JADE2: variants seen among roughly 807,000 people sequenced by gnomAD.
JADE2 encodes the protein E3 ubiquitin-protein ligase Jade-2.
Under a neutral mutation model 85.7 loss-of-function variants are expected in JADE2, and 13 were observed. That is an observed-to-expected ratio of 0.15 (90% CI 0.10 to 0.24). JADE2 has a LOEUF of 0.24. Among genes scored for constraint, JADE2 ranks in the 10% least tolerant of loss-of-function variants. JADE2 has a pLI of 1.00. For missense variants in JADE2, 846 were observed against 1,115.9 expected, an observed-to-expected ratio of 0.76 and a Z score of 3.45; for synonymous variants, 440 against 456.1, an observed-to-expected ratio of 0.96 and a Z score of 0.45.
chr5:134,555,793 T>G (rs1335675628), intron 4 of JADE2, among the ~76,000 whole-genome samples: 1 of 152,230 alleles, frequency 6.6e-6, no homozygotes, highest in African/African-American at 2.4e-5. Context: ...AGAATTGTGT[T>G]GGACCGAGTG....
chr5:134,565,004 T>C (rs557869770), intron 8 of JADE2, among the ~76,000 whole-genome samples: 1 of 152,338 alleles, frequency 6.6e-6, no homozygotes, highest in South Asian at 2.1e-4. Context: ...GGAAGGGCTG[T>C]ACCAGTCTGT....
chr5:134,536,944 T>C (rs1761628074), intron 2 of JADE2, among the ~76,000 whole-genome samples: 1 of 152,154 alleles, frequency 6.6e-6, no homozygotes, highest in Admixed American at 6.5e-5. Flanking sequence ...CAAGGAGGTC[T>C]CAGCCCCATC....
chr5:134,535,807 G>T, intron 1 of JADE2, 51 bp from the exon 2 acceptor site: 1 of 1,534,150 alleles, frequency 6.5e-7, no homozygotes, highest in South Asian at 1.1e-5. Context: ...CTGAGAGGTT[G>T]AGGATTTCCC....
intron 1 of JADE2, among the ~76,000 whole-genome samples, chr5:134,530,713 G>A (rs1313298182): frequency 6.6e-6 from 1 of 152,226 alleles, no homozygotes; most frequent in African/African-American, 2.4e-5. Context: ...CCAAATTGCT[G>A]CCCTATTACT....
chr5:134,571,959 C>T (rs1180849771), intron 9 of JADE2, among the ~76,000 whole-genome samples: 1 of 152,242 alleles, frequency 6.6e-6, no homozygotes, highest in African/African-American at 2.4e-5. Flanking sequence ...AAGTGTGGGT[C>T]GGAGCCACCT....
rs940852533 is a variant in JADE2, at chr5:134,581,191, G to T, written c.*1874G>T. ...TGTCTAGTCCGGGTGGACTCGGAGGGAGTGGGGTGGGCTTCAAGGATTCTG... is the reference window on the plus strand; with the variant it reads ...TGTCTAGTCCGGGTGGACTCGGAGGTAGTGGGGTGGGCTTCAAGGATTCTG... On this transcript the variant is annotated 3_prime_UTR_variant, in exon 12 of 12. Transcript: ENST00000681547. The T allele has an allele frequency of 6.6e-6, 1 of 152,600 alleles. No homozygotes were observed. The highest frequency in any genetic ancestry group is 1.9e-4 in the East Asian group (1 of 5,204). The allele number at this position is 152,600 out of a possible 1,614,324, so 9.5% of individuals were successfully genotyped here. A position where few individuals can be genotyped will look rare whatever the true frequency, so the allele number is the denominator to read the frequency against.
chr5:134,555,929 C>G (rs749350477), intron 4 of JADE2, among the ~76,000 whole-genome samples: 1 of 152,144 alleles, frequency 6.6e-6, no homozygotes, highest in Admixed American at 6.6e-5. Flanking sequence ...GCCCCTTCCC[C>G]TTCTCCGTGC....
chr5:134,570,179 C>T (rs1229756574), intron 9 of JADE2, among the ~76,000 whole-genome samples: 1 of 152,170 alleles, frequency 6.6e-6, no homozygotes, highest in Non-Finnish European at 1.5e-5. Flanking sequence ...GCAGGGCAGT[C>T]CCTGCCGCAC....
At chr5:134,554,291 G>A (rs1211982191) in intron 4 of JADE2, among the ~76,000 whole-genome samples, 2 of 152,140 alleles carry the variant, frequency 1.3e-5, no homozygotes, top group African/African-American at 4.8e-5. Context: ...GGTCTTCGGA[G>A]AATCAGGGGT....
At chr5:134,543,800 G>A (rs1287934782) in intron 3 of JADE2, among the ~76,000 whole-genome samples, 2 of 152,226 alleles carry the variant, frequency 1.3e-5, no homozygotes, top group Non-Finnish European at 2.9e-5. Context: ...TTTTTGAGGG[G>A]GTGGGGAGTG....
At chr5:134,550,467 G>A (rs955551463) in intron 3 of JADE2, among the ~76,000 whole-genome samples, 1 of 152,204 alleles carries the variant, frequency 6.6e-6, no homozygotes, top group African/African-American at 2.4e-5. Context: ...ACTTAGCACC[G>A]GGCACAGCGG....
In JADE2 at chr5:134,549,304, A is replaced by G. The variant is rs2149924732; in HGVS notation, c.154-2748A>G. Among the ~76,000 whole-genome samples, 3 of 152,266 alleles carry G rather than the reference A, an allele frequency of 2.0e-5. No homozygotes were observed. The South Asian group carries it at 6.2e-4, about 32-fold the overall frequency. ...TTTAGAAGGCTGAGGCAGGCAGATC[A>G]TTTGAGGTCAAGAGTTCAAGACCAA... On this transcript the variant is annotated intron_variant, in intron 3 of 11. Coordinates refer to ENST00000681547, the MANE Select transcript of JADE2 (RefSeq NM_001388185.1).
intron 9 of JADE2, among the ~76,000 whole-genome samples, chr5:134,568,688 C>T (rs933315505): frequency 5.9e-5 from 9 of 152,250 alleles, no homozygotes; most frequent in Non-Finnish European, 1.2e-4. Context: ...AGGGCAGGGG[C>T]ATGCACAGCC....
intron 3 of JADE2, among the ~76,000 whole-genome samples, chr5:134,547,885 A>G (rs1479770679): frequency 1.3e-5 from 2 of 152,348 alleles, no homozygotes; most frequent in African/African-American, 2.4e-5. Flanking sequence ...AGACATGGCA[A>G]AAAACCAGGA....
At chr5:134,573,926 C>G (rs773724378) in intron 10 of JADE2, 164 bp downstream of exon 10, 12 of 705,496 alleles carry the variant, frequency 1.7e-5, no homozygotes, top group Admixed American at 4.1e-5. Flanking sequence ...TAGGCCCAGA[C>G]GGGGGCCTGC....
rs1764598550 is a variant in JADE2, at chr5:134,579,558, C to T, written c.*241C>T. 1.3e-5 allele frequency: 7 copies of T among 521,188 alleles called. No individual in the cohort carries two copies. Among genetic ancestry groups the T allele is most frequent in the South Asian group, 5.9e-5 (2 of 33,690 alleles). The allele number at this position is 521,188 out of a possible 1,614,324, so 32.3% of individuals were successfully genotyped here. On this transcript the variant is annotated 3_prime_UTR_variant, in exon 12 of 12. Coordinates refer to ENST00000681547, the MANE Select transcript of JADE2 (RefSeq NM_001388185.1). This position sits in a 1 kb window ranked among gnomAD's most constrained non-coding sequence, Gnocchi z 4.6. ...GCCGCTAGGACCCTGCCAGGTCCCG[C>T]GCACCATCCCTGCCCTGCCCACGTG...
At position 134,566,106 on chromosome 5, in the gene JADE2, T is replaced by C. The variant is rs760715828; in HGVS notation, c.970-10T>C. 5.6e-6 allele frequency: 9 copies of C among 1,607,304 alleles called. No homozygotes were observed. In the South Asian group the frequency reaches 6.7e-5, roughly 12 times the overall value. On this transcript the variant is annotated splice_polypyrimidine_tract_variant and intron_variant, in intron 8 of 11. Coordinates refer to ENST00000681547, the MANE Select transcript of JADE2 (RefSeq NM_001388185.1). The surrounding 1 kb of genome is among the most constrained non-coding windows in gnomAD (Gnocchi z 6.7). ...CTCCATGTCTGATCCTGCCCCTCCT[T>C]TCCCCTCAGTGTTCCATGCCTTCCT... is the stretch of plus-strand genomic sequence containing the variant.
In JADE2 at chr5:134,579,288, G is replaced by A. The variant is rs367971577; in HGVS notation, c.2476G>A (p.Val826Met). 3.7e-6 allele frequency: 6 copies of A among 1,611,706 alleles called. No homozygotes were observed. The highest frequency in any genetic ancestry group is 1.3e-5 in the African/African-American group (1 of 74,944). The change falls in exon 12 of 12, where the codon GTG becomes ATG. Residue 826 changes from valine (V) to methionine (M), a missense_variant. Val to Met is a conservative substitution (Grantham distance 21, BLOSUM62 1). This residue lies in a region of JADE2 where 300 missense variants were observed against 300.7 expected (regional missense o/e 1.00). Transcript: ENST00000681547. This position sits in a 1 kb window ranked among gnomAD's most constrained non-coding sequence, Gnocchi z 4.6. ...TCCCCGGGAGGCAGGGGCAGAGGAG[G>A]TGGTCCGCATGGGCGTACTGGCCTC... ...RGPREAGAEEVVRMGVLAS is the reference protein window; with the variant it reads ...RGPREAGAEEMVRMGVLAS
rs1431782064 is a variant in JADE2, at chr5:134,564,507, G to A, written c.866G>A (p.Cys289Tyr). 1 of 1,591,524 alleles carries A rather than the reference G, an allele frequency of 6.3e-7. No homozygotes were observed. Among genetic ancestry groups the A allele is most frequent in the Middle Eastern group, 1.7e-4 (1 of 6,032 alleles). The change falls in exon 8 of 12, where the codon TGC (cysteine) becomes TAC (tyrosine). Residue 289 changes from cysteine (C) to tyrosine (Y), a missense_variant. Physicochemically the swap from Cys to Tyr is radical, Grantham distance 194. Transcript: ENST00000681547. The part of the protein sequence containing the change: ...ALWIPEVSIG[C>Y]PEKMEPITKI... ...TGTCCTGCCCAGGTCAGCATCGGCT[G>A]CCCAGAGAAGATGGAGCCCATCACC...
Sources: allele counts gnomAD v4.1 joint callset (sites outside exome capture counted in the v4.1 genomes callset), GRCh38; gene constraint gnomAD v4.1.1; regional missense constraint gnomAD v4.1.1; non-coding constraint Gnocchi (gnomAD v3.1); transcripts MANE v1.5; gene names NCBI Gene and HGNC (gene_info 2026-07-23, HGNC 2026-07-21).